PACRGL: variants seen among roughly 807,000 people sequenced by gnomAD.
PACRGL encodes the protein parkin coregulated like.
PACRGL carries 38 observed loss-of-function variants against 34.5 expected under a neutral mutation model. The observed-to-expected ratio is 1.10, with a 90% CI of 0.85 to 1.44. The LOEUF is 1.44. PACRGL is among the 40% of genes most tolerant of loss of function. PACRGL has a pLI of 0.00. For synonymous variants in PACRGL, 128 were observed against 100.1 expected, an observed-to-expected ratio of 1.28 and a Z score of -1.66; for missense variants, 305 against 281.4, an observed-to-expected ratio of 1.08 and a Z score of -0.60.
At chr4:20,764,750 C>A in the PACRGL span, among the ~76,000 whole-genome samples, 1 of 151,256 alleles carries the variant, frequency 6.6e-6, no homozygotes, top group Non-Finnish European at 1.5e-5. Flanking sequence ...CCTCATGAAT[C>A]CAATCGTCAT....
downstream of PACRGL, among the ~76,000 whole-genome samples, chr4:20,736,733 C>A (rs1749720762): frequency 6.6e-6 from 1 of 152,088 alleles, no homozygotes; most frequent in Non-Finnish European, 1.5e-5. Flanking sequence ...TTATACAACC[C>A]TTCCACTTAA....
At chr4:20,750,445 G>C (rs1259869479) in intron 8 of PACRGL, among the ~76,000 whole-genome samples, 4 of 152,130 alleles carry the variant, frequency 2.6e-5, no homozygotes, top group Non-Finnish European at 4.4e-5. Flanking sequence ...ATGAAGTAGG[G>C]AGCCCCTACT....
chr4:20,752,995 C>G (rs1470296157), downstream of PACRGL: 1 of 152,146 alleles, frequency 6.6e-6, no homozygotes, highest in Admixed American at 6.5e-5. Flanking sequence ...TCTTCGTGAT[C>G]ACATTCCTTT....
chr4:20,711,047 A>T (rs188244999), intron 5 of PACRGL, among the ~76,000 whole-genome samples: 150 of 152,186 alleles, frequency 9.9e-4, no homozygotes, highest in African/African-American at 3.2e-3. Context: ...AAAGAAGATC[A>T]CATTAGCCAG....
intron 7 of PACRGL, among the ~76,000 whole-genome samples, chr4:20,714,082 A>G (rs1009758790): frequency 2.0e-5 from 3 of 151,968 alleles, no homozygotes; most frequent in East Asian, 1.9e-4. Context: ...TGATCTGTCT[A>G]ATGTTGACAG....
At chr4:20,723,087 A>T (rs767077928) in intron 7 of PACRGL, among the ~76,000 whole-genome samples, 28 of 152,220 alleles carry the variant, frequency 1.8e-4, no homozygotes, top group Non-Finnish European at 3.7e-4. Context: ...AGGTATGCTC[A>T]TAGGTGGTAG....
intron 7 of PACRGL, among the ~76,000 whole-genome samples, chr4:20,722,923 C>G (rs2149185476): frequency 6.6e-6 from 1 of 152,270 alleles, no homozygotes; most frequent in Middle Eastern, 3.4e-3. Context: ...GATAATGGTT[C>G]CACTGTTTTT....
chr4:20,721,820 C>T (rs569070843), intron 7 of PACRGL, among the ~76,000 whole-genome samples: 32 of 152,210 alleles, frequency 2.1e-4, no homozygotes, highest in Middle Eastern at 3.4e-3. Flanking sequence ...TCTCAAACTC[C>T]GTGCTGGGAG....
At chr4:20,734,203 A>G (rs1303850332), downstream of PACRGL, among the ~76,000 whole-genome samples, 1 of 152,180 alleles carries the variant, frequency 6.6e-6, no homozygotes, top group African/African-American at 2.4e-5. Flanking sequence ...GTCTGCCTCA[A>G]CGTGCATTTG....
chr4:20,706,015 A>T (rs1734322637), intron 3 of PACRGL, among the ~76,000 whole-genome samples: 1 of 151,420 alleles, frequency 6.6e-6, no homozygotes, highest in Non-Finnish European at 1.5e-5. Flanking sequence ...TATTTGAGTT[A>T]AAAAATTTTT....
At position 20,729,073 on chromosome 4, in the gene PACRGL, C is replaced by CTGTT. The variant is rs754077095; in HGVS notation, c.*1737_*1740dup. 1.3e-4 allele frequency: 19 copies of CTGTT among 148,936 alleles called. No homozygotes were observed. Among genetic ancestry groups the CTGTT allele is most frequent in the East Asian group, 5.8e-4 (3 of 5,146 alleles). 9.2% of individuals were successfully genotyped at this position (148,936 alleles called of 1,614,324 possible). A position where few individuals can be genotyped will look rare whatever the true frequency, so the allele number is the denominator to read the frequency against. On this transcript the variant is annotated 3_prime_UTR_variant, in exon 9 of 9. Coordinates refer to ENST00000503585, the MANE Select transcript of PACRGL (RefSeq NM_001258345.3). Reference sequence around the variant, plus strand: ...GAATTTTGCTTGCTAATTTTGCTTGCTGTTTGTTCTTAGTAGACAGTGGGG... The same window carrying CTGTT: ...GAATTTTGCTTGCTAATTTTGCTTGCTGTTTGTTTGTTCTTAGTAGACAGTGGGG...
chr4:20,765,781 C>G, the PACRGL span, among the ~76,000 whole-genome samples: 2 of 152,142 alleles, frequency 1.3e-5, no homozygotes, highest in African/African-American at 4.8e-5. Flanking sequence ...ATGAGGTTTT[C>G]TTTGCAATAT....
downstream of PACRGL, chr4:20,732,832 A>G: frequency 8.8e-7 from 1 of 1,138,114 alleles, no homozygotes; most frequent in Non-Finnish European, 1.3e-6. Context: ...ATGTATGAAG[A>G]AACCAGTCTA....
intron 8 of PACRGL, among the ~76,000 whole-genome samples, chr4:20,742,514 G>T (rs1320337186): frequency 6.6e-6 from 1 of 152,072 alleles, no homozygotes; most frequent in African/African-American, 2.4e-5. Context: ...ACAATATTCA[G>T]CAGCCCTTCA....
chr4:20,764,119 A>G, the PACRGL span, among the ~76,000 whole-genome samples: 1 of 152,134 alleles, frequency 6.6e-6, no homozygotes, highest in Non-Finnish European at 1.5e-5. Flanking sequence ...ATGGTTCTGT[A>G]TTCTATTTTC....
downstream of PACRGL, among the ~76,000 whole-genome samples, chr4:20,735,573 A>T (rs1484433941): frequency 2.3e-5 from 3 of 129,922 alleles, no homozygotes; most frequent in African/African-American, 8.9e-5. Context: ...ACTGTTGCCC[A>T]GGCTGGAGTG....
At chr4:20,715,153 C>G (rs974516711) in intron 7 of PACRGL, among the ~76,000 whole-genome samples, 1 of 152,158 alleles carries the variant, frequency 6.6e-6, no homozygotes, top group African/African-American at 2.4e-5. Flanking sequence ...AATCATCATT[C>G]TCAGTAAACT....
At position 20,727,756 on chromosome 4, in the gene PACRGL, T is replaced by C; in HGVS notation, c.*415T>C. Reference sequence around the variant, plus strand: ...TTAACAAGGCTATAGAAGTTTAAAATAGTGGACAAATGTTTGTGAATACAC... The same window carrying C: ...TTAACAAGGCTATAGAAGTTTAAAACAGTGGACAAATGTTTGTGAATACAC... On this transcript the variant is annotated 3_prime_UTR_variant, in exon 9 of 9. Coordinates refer to ENST00000503585, the MANE Select transcript of PACRGL (RefSeq NM_001258345.3). 6.3e-6 allele frequency: 1 copy of C among 158,458 alleles called. No homozygotes were observed. The highest frequency in any genetic ancestry group is 1.8e-4 in the East Asian group (1 of 5,554). 9.8% of individuals were successfully genotyped at this position (158,458 alleles called of 1,614,324 possible).
rs181553854 is a variant in PACRGL, at chr4:20,702,303, T to C, written c.-17+1516T>C. ...TATGTTTGTGGGTACGCGTCTTTGC[T>C]GTGCATCGCTTTTATCTGTTGCAGC... On this transcript the variant is annotated intron_variant, in intron 1 of 8. Transcript: ENST00000503585. 91 of 432,018 alleles carry C rather than the reference T, an allele frequency of 2.1e-4. 1 individual carries two copies. The highest frequency in any genetic ancestry group is 2.1e-3 in the Admixed American group (82 of 39,228). The allele number at this position is 432,018 out of a possible 1,614,324, so 26.8% of individuals were successfully genotyped here.
Sources: gnomAD v4.1 joint callset for allele counts (sites outside exome capture counted in the v4.1 genomes callset) on GRCh38, gnomAD v4.1.1 for gene constraint, MANE v1.5 for transcripts, NCBI Gene and HGNC (gene_info 2026-07-23, HGNC 2026-07-21) for gene names.